The following CDK5RAP2 variants were observed in gnomAD, a reference collection of about 807,000 sequenced individuals.
CDK5RAP2 encodes the protein CDK5 regulatory subunit associated protein 2, also known as CDK5 regulatory subunit-associated protein 2.
A neutral mutation model predicts 232.9 loss-of-function variants in CDK5RAP2; 147 were observed. The observed-to-expected ratio is 0.63, with a 90% CI of 0.55 to 0.72. The LOEUF is 0.72. Ranked by LOEUF, CDK5RAP2 falls within the 30% of genes least tolerant of loss-of-function variation. The probability of loss-of-function intolerance (pLI) is 0.00; values close to 1 mark genes in which losing one functional copy is unlikely to be tolerated. For synonymous variants in CDK5RAP2, 833 were observed against 833.7 expected, an observed-to-expected ratio of 1.00 and a Z score of 0.01; for missense variants, 2,195 against 2,231.5, an observed-to-expected ratio of 0.98 and a Z score of 0.33.
chr9:120,438,688 G>A (rs1421476298), intron 24 of CDK5RAP2, among the ~76,000 whole-genome samples: 1 of 152,180 alleles, frequency 6.6e-6, no homozygotes, highest in African/African-American at 2.4e-5. Context: ...CTAACCAGGG[G>A]CCTGAGACAA....
intron 15 of CDK5RAP2, among the ~76,000 whole-genome samples, chr9:120,475,030 AC>A (rs1299007269): frequency 3.3e-5 from 5 of 152,328 alleles, no homozygotes; most frequent in South Asian, 2.1e-4. Context: ...AAGAAATCTT[AC>A]CATTTACTGA....
chr9:120,469,391 C>A (rs902522959), intron 17 of CDK5RAP2, among the ~76,000 whole-genome samples: 1 of 152,344 alleles, frequency 6.6e-6, no homozygotes, highest in East Asian at 1.9e-4. Context: ...AGCAACCTTG[C>A]ACCTCATACT....
intron 35 of CDK5RAP2, among the ~76,000 whole-genome samples, chr9:120,400,489 C>G (rs2032904897): frequency 6.6e-6 from 1 of 152,204 alleles, no homozygotes; most frequent in Non-Finnish European, 1.5e-5. Flanking sequence ...TCCCTGAGTC[C>G]TGGTTCCCTC....
chr9:120,463,680 A>G (rs1818256026), intron 18 of CDK5RAP2, among the ~76,000 whole-genome samples: 1 of 152,228 alleles, frequency 6.6e-6, no homozygotes, highest in Admixed American at 6.5e-5. Context: ...GAAATATGAA[A>G]AGCGTCAAAG....
intron 23 of CDK5RAP2, among the ~76,000 whole-genome samples, chr9:120,441,702 G>GTTTT (rs2035907819): frequency 6.6e-6 from 1 of 152,180 alleles, no homozygotes. Context: ...GTACACTCTT[G>GTTTT]TATCTGTTCA....
At chr9:120,427,978 A>C (rs1325388893) in intron 25 of CDK5RAP2, among the ~76,000 whole-genome samples, 1 of 152,212 alleles carries the variant, frequency 6.6e-6, no homozygotes, top group African/African-American at 2.4e-5. Flanking sequence ...AACTACATGG[A>C]AACTGAACAA....
intron 3 of CDK5RAP2, among the ~76,000 whole-genome samples, chr9:120,559,833 G>C (rs1407184031): frequency 6.6e-6 from 1 of 152,152 alleles, no homozygotes; most frequent in Non-Finnish European, 1.5e-5. Context: ...CCCCAGCTTA[G>C]CGGCAGGAAA....
chr9:120,494,319 A>G (rs1417286885), intron 12 of CDK5RAP2, among the ~76,000 whole-genome samples: 1 of 152,206 alleles, frequency 6.6e-6, no homozygotes, highest in Non-Finnish European at 1.5e-5. Flanking sequence ...TGGTTTCTAA[A>G]TATCATTTTC....
intron 5 of CDK5RAP2, among the ~76,000 whole-genome samples, chr9:120,544,051 C>T (rs1346906602): frequency 6.6e-6 from 1 of 152,170 alleles, no homozygotes. Context: ...TCCACTGCAG[C>T]ACACAAGAGC....
At chr9:120,391,552 C>G (rs1159972791) in intron 36 of CDK5RAP2, among the ~76,000 whole-genome samples, 1 of 152,200 alleles carries the variant, frequency 6.6e-6, no homozygotes, top group Non-Finnish European at 1.5e-5. Context: ...AATACTCCCC[C>G]ACCCTATGGG....
intron 13 of CDK5RAP2, among the ~76,000 whole-genome samples, chr9:120,488,022 T>C (rs773053394): frequency 6.6e-6 from 1 of 152,182 alleles, no homozygotes; most frequent in Non-Finnish European, 1.5e-5. Flanking sequence ...CATGATATGA[T>C]TCCACTGGCT....
intron 25 of CDK5RAP2, among the ~76,000 whole-genome samples, chr9:120,428,124 T>C: frequency 6.6e-6 from 1 of 152,152 alleles, no homozygotes; most frequent in Non-Finnish European, 1.5e-5. Context: ...GAGGGAAATT[T>C]ATAGCACTAA....
intron 3 of CDK5RAP2, among the ~76,000 whole-genome samples, chr9:120,559,699 G>C (rs2042393828): frequency 6.6e-6 from 1 of 151,786 alleles, no homozygotes; most frequent in African/African-American, 2.4e-5. Flanking sequence ...GAAAGCTAAT[G>C]CAAGGCTGTA....
rs896259353 is a variant in CDK5RAP2 at position 120,437,523 on chromosome 9, C to T, written c.3727G>A (p.Asp1243Asn). Residue 1243 changes from aspartate (D) to asparagine (N), a missense_variant, in exon 25 of 38, where the codon GAT (aspartate) becomes AAT (asparagine). By Grantham distance (23) the Asp-to-Asn change is conservative. Transcript: ENST00000349780. The stretch of plus-strand genomic sequence containing the variant: ...CTGGCTTGGGACTGAACTAATGAAT[C>T]GTATCTGATAAAAGAGGGGAAAGAA... ...KFRDLSPPRY[D>N]SLVQSQAREL... 1.2e-5 allele frequency: 19 copies of T among 1,609,626 alleles called. No homozygotes were observed. The highest frequency in any genetic ancestry group is 9.4e-5 in the African/African-American group (7 of 74,762).
chr9:120,407,363 G>C, intron 31 of CDK5RAP2, 115 bp from the exon 32 acceptor site: 1 of 792,242 alleles, frequency 1.3e-6, no homozygotes. Context: ...CCCTTCCTAA[G>C]AACTAGGTAC....
chr9:120,467,677 G>A (rs534931986), intron 18 of CDK5RAP2, among the ~76,000 whole-genome samples, 183 bp downstream of exon 18: 2 of 151,784 alleles, frequency 1.3e-5, no homozygotes, highest in East Asian at 1.9e-4. Context: ...ACAGGGTCTC[G>A]CTCTATCCCC....
At chr9:120,424,189 T>C (rs976854529) in intron 25 of CDK5RAP2, among the ~76,000 whole-genome samples, 2 of 152,250 alleles carry the variant, frequency 1.3e-5, no homozygotes, top group Non-Finnish European at 2.9e-5. Flanking sequence ...CTTTGTCTGA[T>C]CACACTCTCC....
chr9:120,532,811 A>G (rs1316496252), intron 7 of CDK5RAP2, among the ~76,000 whole-genome samples: 4 of 152,196 alleles, frequency 2.6e-5, no homozygotes, highest in African/African-American at 9.6e-5. Flanking sequence ...GGGAAATCCC[A>G]GGAAGATGCC....
intron 1 of CDK5RAP2, among the ~76,000 whole-genome samples, chr9:120,572,248 A>C (rs2042882170): frequency 6.6e-6 from 1 of 152,206 alleles, no homozygotes; most frequent in African/African-American, 2.4e-5. Flanking sequence ...AGTGACCTTC[A>C]GTAACATCAT....
Sources: gnomAD v4.1 joint callset for allele counts (sites outside exome capture counted in the v4.1 genomes callset) on GRCh38, gnomAD v4.1.1 for gene constraint, MANE v1.5 for transcripts, NCBI Gene and HGNC (gene_info 2026-07-23, HGNC 2026-07-21) for gene names.